VEGFD: variants seen among roughly 807,000 people sequenced by gnomAD.
VEGFD encodes c-fos induced growth factor (vascular endothelial growth factor D).
VEGFD carries 26 observed loss-of-function variants against 28.0 expected under a neutral mutation model. The ratio of observed to expected loss-of-function variants is 0.93; its 90% CI spans 0.68 to 1.29. VEGFD has a LOEUF of 1.29. Ranked by LOEUF, VEGFD falls within the 50% of genes most tolerant of loss-of-function variation. VEGFD has a pLI of 0.00. For synonymous variants in VEGFD, 93 were observed against 95.5 expected, an observed-to-expected ratio of 0.97 and a Z score of 0.15; for missense variants, 294 against 273.4, an observed-to-expected ratio of 1.08 and a Z score of -0.53.
At chrX:15,380,334 G>A (rs931467107) in intron 1 of VEGFD, among the ~76,000 whole-genome samples, 4 of 112,473 alleles carry the variant, frequency 3.6e-5, no homozygotes, top group Admixed American at 2.8e-4. Flanking sequence ...TCAGGAGAAG[G>A]CAAGTAACAC....
At position 15,363,019 on chromosome X, in the gene VEGFD, G is replaced by A. The variant is rs1470479129; in HGVS notation, c.301+90C>T. 6.1e-6 allele frequency: 5 copies of A among 824,873 alleles called. No homozygotes were observed. In the Admixed American group the frequency reaches 7.7e-5, roughly 13 times the overall value. The allele number at this position is 824,873 out of a possible 1,213,427, so 68.0% of individuals were successfully genotyped here. A position where few individuals can be genotyped will look rare whatever the true frequency, so the allele number is the denominator to read the frequency against. On this transcript the variant is annotated intron_variant, in intron 2 of 6. Coordinates refer to ENST00000297904, the MANE Select transcript of VEGFD (RefSeq NM_004469.5). ...GACTTTCATTCTCCCTCTGACACGT[G>A]TCTGCCCTACGCAGACTTTTGGAGA...
intron 1 of VEGFD, among the ~76,000 whole-genome samples, chrX:15,375,830 G>A (rs1441432577): frequency 9.0e-6 from 1 of 111,316 alleles, no homozygotes; most frequent in Non-Finnish European, 1.9e-5. Context: ...GATGAAGACT[G>A]CTTGTGGTTT....
chrX:15,352,143 C>CT (rs1245504549), intron 5 of VEGFD, among the ~76,000 whole-genome samples: 1 of 111,979 alleles, frequency 8.9e-6, no homozygotes, highest in Non-Finnish European at 1.9e-5. Context: ...CTGGGCTGAG[C>CT]TTTCGTGAAA....
intron 1 of VEGFD, among the ~76,000 whole-genome samples, chrX:15,375,780 T>G: frequency 9.0e-6 from 1 of 111,455 alleles, no homozygotes; most frequent in Non-Finnish European, 1.9e-5. Context: ...AAGGACATAC[T>G]AGGGGACTAA....
At chrX:15,367,990 G>GAA (rs754173109) in intron 1 of VEGFD, among the ~76,000 whole-genome samples, 39 of 63,642 alleles carry the variant, frequency 6.1e-4, no homozygotes, top group Non-Finnish European at 8.7e-4. Context: ...AAAAGAAAAA[G>GAA]AAAGAAAGAA....
At chrX:15,368,207 T>C (rs1211776506) in intron 1 of VEGFD, among the ~76,000 whole-genome samples, 1 of 110,967 alleles carries the variant, frequency 9.0e-6, no homozygotes, top group Non-Finnish European at 1.9e-5. Flanking sequence ...AACAGGCAGA[T>C]GTATGGTTTT....
chrX:15,355,083 TAC>T, intron 4 of VEGFD, 65 bp downstream of exon 4: 1 of 961,282 alleles, frequency 1.0e-6, no homozygotes, highest in Non-Finnish European at 1.4e-6. Flanking sequence ...AAAAATCCTC[TAC>T]ACACAGTTTT....
chrX:15,348,879 G>C (rs887137693), intron 5 of VEGFD, among the ~76,000 whole-genome samples: 2 of 112,397 alleles, frequency 1.8e-5, no homozygotes, highest in Admixed American at 1.9e-4. Context: ...GTAATAAAAG[G>C]GTCCTGAAGC....
intron 1 of VEGFD, among the ~76,000 whole-genome samples, chrX:15,382,106 G>A (rs1038261141): frequency 1.9e-4 from 21 of 111,334 alleles, no homozygotes; most frequent in Non-Finnish European, 4.0e-4. Flanking sequence ...AGATCATCAG[G>A]TCAGGAGATC....
At position 15,363,130 on chromosome X, in the gene VEGFD, A is replaced by G; in HGVS notation, c.280T>C (p.Tyr94His). The G allele has an allele frequency of 8.3e-7, 1 of 1,210,546 alleles. No homozygotes were observed. The highest frequency in any genetic ancestry group is 1.1e-6 in the Non-Finnish European group (1 of 894,466). ...HRSTRFAATF[Y>H]DIETLKVIDE... ...CTACCTTTTAGTGTTTCAATGTCAT[A>G]GAAAGTTGCCGCAAACCTAGTGGAC... The change falls in exon 2 of 7, where the codon TAT (tyrosine) becomes CAT (histidine). Residue 94 changes from tyrosine (Y) to histidine (H), a missense_variant. Tyr to His is a moderately conservative substitution (Grantham distance 83). Transcript: ENST00000297904.
intron 5 of VEGFD, among the ~76,000 whole-genome samples, chrX:15,351,896 A>T (rs1437362131): frequency 8.9e-6 from 1 of 112,717 alleles, no homozygotes; most frequent in Non-Finnish European, 1.9e-5. Context: ...AGTTACATAT[A>T]TGACTCTTAT....
intron 3 of VEGFD, 114 bp downstream of exon 3, chrX:15,357,889 T>C (rs751770320): frequency 1.6e-6 from 1 of 628,177 alleles, no homozygotes; most frequent in Admixed American, 3.4e-5. Flanking sequence ...AAAGATTAAA[T>C]GCGATTATGC....
At position 15,383,932 on chromosome X, in the gene VEGFD, C is replaced by A. The variant is rs1485258367; in HGVS notation, c.15G>T (p.Trp5Cys). Reference sequence around the variant, plus strand: ...ACATCATGAAAACATTCACCACTACCCACTCTCTGTACATTTTGAATATTT... The same window carrying A: ...ACATCATGAAAACATTCACCACTACACACTCTCTGTACATTTTGAATATTT... MYRE[W>C]VVVNVFMMLY... The change falls in exon 1 of 7, where the codon TGG (tryptophan) becomes TGT (cysteine). Residue 5 changes from tryptophan (W) to cysteine (C), a missense_variant. Trp to Cys is a radical substitution (Grantham distance 215, BLOSUM62 -2). Transcript: ENST00000297904. The A allele has an allele frequency of 1.7e-6, 2 of 1,198,014 alleles. No homozygotes were observed. Among genetic ancestry groups the A allele is most frequent in the Non-Finnish European group, 2.3e-6 (2 of 882,985 alleles).
At chrX:15,352,882 C>T (rs4523425) in intron 5 of VEGFD, among the ~76,000 whole-genome samples, 186 bp downstream of exon 5, 10,477 of 111,416 alleles carry the variant, frequency 0.094, 674 homozygotes, top group African/African-American at 0.23. Context: ...TCTTGGTGTG[C>T]CCATTTTGTA....
At chrX:15,376,335 G>A (rs1410148444) in intron 1 of VEGFD, among the ~76,000 whole-genome samples, 1 of 111,413 alleles carries the variant, frequency 9.0e-6, no homozygotes, top group Non-Finnish European at 1.9e-5. Flanking sequence ...AGACACCTGG[G>A]GCTGACCTGC....
chrX:15,353,248 G>T, intron 4 of VEGFD, 80 bp from the exon 5 acceptor site: 1 of 449,258 alleles, frequency 2.2e-6, no homozygotes, highest in Non-Finnish European at 3.6e-6. Context: ...AAATTCCTGA[G>T]TAGATAATAG....
At chrX:15,347,107 A>T in intron 6 of VEGFD, 57 bp downstream of exon 6, 1 of 1,071,569 alleles carries the variant, frequency 9.3e-7, no homozygotes. Context: ...CCACCAAATT[A>T]AAATGGCATC....
At chrX:15,361,307 T>A (rs756760813) in intron 2 of VEGFD, among the ~76,000 whole-genome samples, 13 of 112,211 alleles carry the variant, frequency 1.2e-4, no homozygotes, top group Admixed American at 1.0e-3. Context: ...GACCTCTAGA[T>A]GAGGTGCCAA....
rs1018618849 is a variant in VEGFD at position 15,353,505 on chromosome X, C to T, written c.642-337G>A. On this transcript the variant is annotated intron_variant, in intron 4 of 6. Transcript: ENST00000297904. ...CTGTAATCCCAGCACTTTGGGAGTC[C>T]GAGGCGGGCAGATCACCTGAGGTCG... is the stretch of plus-strand genomic sequence containing the variant. 2.7e-5 allele frequency among the ~76,000 whole-genome samples: 3 copies of T among 112,084 alleles called. No individual in the cohort carries two copies. The Admixed American group carries it at 2.8e-4, about 11-fold the overall frequency.
Sources: allele counts gnomAD v4.1 joint callset (sites outside exome capture counted in the v4.1 genomes callset), GRCh38; gene constraint gnomAD v4.1.1; transcripts MANE v1.5; gene names NCBI Gene and HGNC (gene_info 2026-07-23, HGNC 2026-07-21).